C16orf96: variants seen among roughly 807,000 people sequenced by gnomAD.
C16orf96 encodes the protein chromosome 16 open reading frame 96.
Under a neutral mutation model 103.6 loss-of-function variants are expected in C16orf96, and 108 were observed. The ratio of observed to expected loss-of-function variants is 1.04; its 90% CI spans 0.89 to 1.22. The LOEUF (loss-of-function observed/expected upper bound fraction) is 1.22, where lower values mean the gene tolerates loss of function less well. Ranked by LOEUF, C16orf96 falls within the 50% of genes most tolerant of loss-of-function variation. The probability of loss-of-function intolerance (pLI) is 0.00; values close to 1 mark genes in which losing one functional copy is unlikely to be tolerated. For missense variants in C16orf96, 1,586 were observed against 1,464.2 expected (o/e 1.08, Z -1.36); for synonymous variants, 566 against 593.5 (o/e 0.95, Z 0.67).
Position 4,575,713 on chromosome 16 carries a change from T to C in C16orf96, c.1233T>C (p.Gly411=), listed in dbSNP as rs1424076460. 2.0e-6 allele frequency: 3 copies of C among 1,532,560 alleles called. No homozygotes were observed. The South Asian group carries it at 3.7e-5, about 19-fold the overall frequency. The allele number at this position is 1,532,560 out of a possible 1,614,324, so 94.9% of individuals were successfully genotyped here. A position where few individuals can be genotyped will look rare whatever the true frequency, so the allele number is the denominator to read the frequency against. ...GCTCTTGGCCTCTGTGGGACTTAGG[T>C]GTCCTGCGGCCAACTCAGCCCCAAC... The part of the protein sequence containing the change: ...RVGSWPLWDL[G]VLRPTQPQPS... The change falls in exon 5 of 16, where the codon GGT becomes GGC. Residue 411 remains glycine, a synonymous_variant. Coordinates refer to ENST00000444310, the MANE Select transcript of C16orf96 (RefSeq NM_001145011.2).
At chr16:4,543,378 G>A in the C16orf96 span, among the ~76,000 whole-genome samples, 3 of 152,180 alleles carry the variant, frequency 2.0e-5, no homozygotes, top group African/African-American at 7.2e-5. Flanking sequence ...GGGCCTTATA[G>A]ACCAATCTGT....
chr16:4,576,432 C>T lies in C16orf96; in HGVS notation c.1952C>T (p.Ser651Phe), dbSNP rs2059510692. 1 of 1,551,178 alleles carries T rather than the reference C, an allele frequency of 6.4e-7. No homozygotes were observed. Among genetic ancestry groups the T allele is most frequent in the Non-Finnish European group, 8.7e-7 (1 of 1,147,022 alleles). Reference protein sequence around the residue: ...DSEIYEILSPSYSAASIGPDP... With the variant: ...DSEIYEILSPFYSAASIGPDP... ...GAAATCTACGAAATCCTCTCTCCCT[C>T]CTACTCTGCTGCCAGCATCGGTCCC... Residue 651 changes from serine to phenylalanine, a missense_variant, in exon 5 of 16, where the codon TCC becomes TTC. Coordinates refer to ENST00000444310, the MANE Select transcript of C16orf96 (RefSeq NM_001145011.2).
intron 9 of C16orf96, 120 bp downstream of exon 9, chr16:4,588,451 C>T (rs1896980376): frequency 8.6e-7 from 1 of 1,158,094 alleles, no homozygotes; most frequent in African/African-American, 1.5e-5. Context: ...GACCCAGCAA[C>T]TTAGCTGGGT....
chr16:4,544,005 G>T, the C16orf96 span, among the ~76,000 whole-genome samples: 1 of 152,080 alleles, frequency 6.6e-6, no homozygotes, highest in Non-Finnish European at 1.5e-5. Flanking sequence ...GAGGCAGGAG[G>T]ACCCACTGGG....
chr16:4,591,006 A>G (rs1897047054), intron 9 of C16orf96, among the ~76,000 whole-genome samples: 1 of 146,422 alleles, frequency 6.8e-6, no homozygotes, highest in Non-Finnish European at 1.5e-5. Flanking sequence ...TACTCCAGCC[A>G]GGGCAACAAG....
the C16orf96 span, among the ~76,000 whole-genome samples, chr16:4,547,697 TTTCTTTCTTTCTTTCTTTC>T: frequency 1.7e-4 from 6 of 34,744 alleles, no homozygotes; most frequent in African/African-American, 2.4e-4. Flanking sequence ...TCCTTCTTTC[TTTCTTTCTTTCTTTCTTTC>T]TTTCTTTCTT....
At chr16:4,578,402 C>T (rs1035193093) in intron 5 of C16orf96, among the ~76,000 whole-genome samples, 1 of 152,086 alleles carries the variant, frequency 6.6e-6, no homozygotes, top group Non-Finnish European at 1.5e-5. Context: ...CTCGGCCTCC[C>T]ACAGTGTTGG....
At chr16:4,562,704 A>G (rs878981388) in intron 1 of C16orf96, 1 of 469,948 alleles carries the variant, frequency 2.1e-6, no homozygotes, top group African/African-American at 2.0e-5. Context: ...TTCTTCTGCA[A>G]TCCAAACATA....
At chr16:4,589,312 C>T (rs967660311) in intron 9 of C16orf96, among the ~76,000 whole-genome samples, 13 of 152,014 alleles carry the variant, frequency 8.6e-5, no homozygotes, top group Admixed American at 7.2e-4. Flanking sequence ...GTTGTGGTGG[C>T]TCACGCCTGT....
At chr16:4,571,527 A>G (rs2059438179) in intron 1 of C16orf96, 34 bp from the exon 2 acceptor site, 15 of 1,530,792 alleles carry the variant, frequency 9.8e-6, no homozygotes, top group Non-Finnish European at 1.3e-5. Flanking sequence ...CCCCAGCCAT[A>G]CCCGGCTTCA....
upstream of C16orf96, among the ~76,000 whole-genome samples, chr16:4,555,304 ACACACACG>A (rs1350319215): frequency 8.2e-6 from 1 of 122,470 alleles, no homozygotes; most frequent in East Asian, 2.9e-4. Context: ...ACACACACAC[ACACACACG>A]AGAAAATGGA....
the C16orf96 span, among the ~76,000 whole-genome samples, chr16:4,548,887 AAAAAG>A: frequency 6.6e-6 from 1 of 151,006 alleles, no homozygotes; most frequent in African/African-American, 2.4e-5. Flanking sequence ...AAAAAAAAAA[AAAAAG>A]AAAAGTGGGA....
chr16:4,570,090 C>G lies in C16orf96; in HGVS notation c.421-1471C>G, dbSNP rs1178931660. ...GTTTAAAGCCAGGGCGCTTTGTGCC[C>G]CTTCCCCAAGCTAGAACTTTTTTAT... On this transcript the variant is annotated intron_variant, in intron 1 of 15. Transcript: ENST00000444310. Among the ~76,000 whole-genome samples the G allele has an allele frequency of 2.1e-5, 3 of 142,662 alleles. No individual in the cohort carries two copies. In the East Asian group the frequency reaches 6.8e-4, roughly 32 times the overall value. 93.6% of individuals were successfully genotyped at this position (142,662 alleles called of 152,430 possible). A position where few individuals can be genotyped will look rare whatever the true frequency, so the allele number is the denominator to read the frequency against.
chr16:4,592,580 G>A (rs1257654356), intron 11 of C16orf96, among the ~76,000 whole-genome samples: 3 of 152,136 alleles, frequency 2.0e-5, no homozygotes, highest in Admixed American at 6.5e-5. Context: ...GTTCTGTACC[G>A]TCAAGTCCAT....
At chr16:4,568,051 G>C (rs544555740) in intron 1 of C16orf96, among the ~76,000 whole-genome samples, 2 of 152,014 alleles carry the variant, frequency 1.3e-5, no homozygotes, top group African/African-American at 4.8e-5. Flanking sequence ...GGAGCCATTG[G>C]CAATCCAAGA....
At chr16:4,547,349 C>G in the C16orf96 span, among the ~76,000 whole-genome samples, 2 of 152,178 alleles carry the variant, frequency 1.3e-5, no homozygotes, top group African/African-American at 4.8e-5. Flanking sequence ...GTTGGCTAGG[C>G]TGATCTTGAA....
chr16:4,597,196 C>T (rs1897191220), intron 14 of C16orf96, among the ~76,000 whole-genome samples: 1 of 152,168 alleles, frequency 6.6e-6, no homozygotes, highest in Admixed American at 6.6e-5. Context: ...CCGTTCCAGC[C>T]CCTGCCCCCT....
chr16:4,576,355 T>A lies in C16orf96; in HGVS notation c.1875T>A (p.Gly625=). 6.4e-7 allele frequency: 1 copy of A among 1,550,842 alleles called. No homozygotes were observed. The highest frequency in any genetic ancestry group is 1.2e-5 in the South Asian group (1 of 84,066). ...TAGGGGTCTTTGCAGATGTCCTGGG[T>A]GCAGGGCCTTCCCGGGGAGCCACAG... ...GPLGVFADVL[G]AGPSRGATES... Residue 625 remains glycine, a synonymous_variant, in exon 5 of 16, where the codon GGT becomes GGA. Coordinates refer to ENST00000444310, the MANE Select transcript of C16orf96 (RefSeq NM_001145011.2).
chr16:4,553,784 G>A (rs890596642), upstream of C16orf96, among the ~76,000 whole-genome samples: 4 of 152,140 alleles, frequency 2.6e-5, no homozygotes, highest in East Asian at 1.9e-4. Context: ...TGCAAGAAAC[G>A]TTTTCCATCA....
Sources: allele counts gnomAD v4.1 joint callset (sites outside exome capture counted in the v4.1 genomes callset), GRCh38; gene constraint gnomAD v4.1.1; transcripts MANE v1.5; gene names NCBI Gene and HGNC (gene_info 2026-07-23, HGNC 2026-07-21).